Variants in SPTBN1 observed in about 807,000 individuals in gnomAD.
The protein encoded by SPTBN1 is spectrin beta, non-erythrocytic 1, also known as spectrin beta chain, non-erythrocytic 1.
Under a neutral mutation model 266.4 loss-of-function variants are expected in SPTBN1, and 32 were observed. The ratio of observed to expected loss-of-function variants is 0.12; its 90% CI spans 0.09 to 0.16. The LOEUF (loss-of-function observed/expected upper bound fraction) is 0.16. Ranked by LOEUF, SPTBN1 falls within the 10% of genes least tolerant of loss-of-function variation. SPTBN1 has a pLI of 1.00. For synonymous variants in SPTBN1, 1,336 were observed against 1,162.2 expected (o/e 1.15, Z -3.04); for missense variants, 2,296 against 3,067.1 (o/e 0.75, Z 5.94).
At chr2:54,560,897 A>G (rs1049978187) in intron 2 of SPTBN1, among the ~76,000 whole-genome samples, 4 of 152,296 alleles carry the variant, frequency 2.6e-5, no homozygotes, top group South Asian at 4.1e-4. Context: ...ATTTTAAACA[A>G]TCCTAGGAGA....
At chr2:54,545,364 A>G (rs1021176286) in intron 2 of SPTBN1, 2 of 152,214 alleles carry the variant, frequency 1.3e-5, no homozygotes, top group African/African-American at 4.8e-5. Flanking sequence ...TCAAGGATCT[A>G]GAACTAGAAA....
At chr2:54,552,376 G>C (rs934284938) in intron 2 of SPTBN1, among the ~76,000 whole-genome samples, 1 of 151,834 alleles carries the variant, frequency 6.6e-6, no homozygotes, top group African/African-American at 2.4e-5. Context: ...TGTGAGGTTG[G>C]TCCCATTATT....
At chr2:54,503,406 G>T (rs1669380319) in intron 1 of SPTBN1, among the ~76,000 whole-genome samples, 1 of 152,180 alleles carries the variant, frequency 6.6e-6, no homozygotes, top group African/African-American at 2.4e-5. Context: ...CCCCCTACCT[G>T]TCTGTTCTCC....
chr2:54,652,289 C>T (rs1163435784), intron 26 of SPTBN1, among the ~76,000 whole-genome samples: 1 of 152,084 alleles, frequency 6.6e-6, no homozygotes, highest in Admixed American at 6.5e-5. Context: ...AAGACATATA[C>T]CGTTCCCCAA....
chr2:54,549,281 C>T (rs1001971230), intron 2 of SPTBN1, among the ~76,000 whole-genome samples: 3 of 115,484 alleles, frequency 2.6e-5, no homozygotes, highest in African/African-American at 1.1e-4. Context: ...AAGAGTGAAA[C>T]TCTGTCTCAA....
rs1163884025 is a variant in SPTBN1, at chr2:54,646,121, C to T, written c.4585-73C>T. On this transcript the variant is annotated intron_variant, in intron 22 of 35. Transcript: ENST00000356805. The surrounding 1 kb of genome is among the most constrained non-coding windows in gnomAD (Gnocchi z 4.4). ...TGAAGCCTTGCTATTTCTTTCTGGC[C>T]CTAACAGCTTGACATAAGCAGCAGA... 1.2e-6 allele frequency: 2 copies of T among 1,600,244 alleles called. No individual in the cohort carries two copies. The highest frequency in any genetic ancestry group is 4.5e-5 in the East Asian group (2 of 44,714).
chr2:54,644,847 G>A (rs566312978), intron 20 of SPTBN1, among the ~76,000 whole-genome samples: 3 of 152,278 alleles, frequency 2.0e-5, no homozygotes, highest in South Asian at 4.1e-4. Flanking sequence ...TAGTTAATGG[G>A]TATTATCACC....
At chr2:54,457,484 G>A (rs1408704627) in intron 1 of SPTBN1, among the ~76,000 whole-genome samples, 4 of 152,234 alleles carry the variant, frequency 2.6e-5, no homozygotes, top group Non-Finnish European at 5.9e-5. Flanking sequence ...AGCCAGGCCA[G>A]ATAGTAAGTG....
chr2:54,538,022 A>G (rs1041364496), intron 2 of SPTBN1, among the ~76,000 whole-genome samples: 1 of 152,234 alleles, frequency 6.6e-6, no homozygotes, highest in African/African-American at 2.4e-5. Flanking sequence ...ACAGTAAGTA[A>G]CAATGAATGT....
chr2:54,632,467 TGAA>T (rs1436735068), intron 16 of SPTBN1, 96 bp from the exon 17 acceptor site: 4 of 1,216,560 alleles, frequency 3.3e-6, no homozygotes, highest in Admixed American at 4.0e-5. Context: ...GTAAGTGTAA[TGAA>T]GAAAGTGTTG....
At chr2:54,612,918 A>G (rs1242011427) in intron 4 of SPTBN1, among the ~76,000 whole-genome samples, 7 of 152,158 alleles carry the variant, frequency 4.6e-5, no homozygotes, top group African/African-American at 1.7e-4. Flanking sequence ...CTTGAGGAGG[A>G]AGGCTCTAAG....
At chr2:54,501,952 A>G (rs1373796220) in intron 1 of SPTBN1, among the ~76,000 whole-genome samples, 1 of 152,204 alleles carries the variant, frequency 6.6e-6, no homozygotes, top group East Asian at 1.9e-4. Flanking sequence ...TTGGGAGGTG[A>G]TCATTAGCAT....
chr2:54,566,185 C>CTTTTTTTTTTTTTTTTT (rs59369956), intron 2 of SPTBN1, among the ~76,000 whole-genome samples: 1 of 125,224 alleles, frequency 8.0e-6, no homozygotes, highest in African/African-American at 3.1e-5. Flanking sequence ...TTTCTTTTTT[C>CTTTTTTTTTTTTTTTTT]TTTTTTTTTT....
chr2:54,572,748 A>G, intron 2 of SPTBN1, among the ~76,000 whole-genome samples: 1 of 152,204 alleles, frequency 6.6e-6, no homozygotes, highest in East Asian at 1.9e-4. Flanking sequence ...AGCAATTTTT[A>G]AAAGTCATAC....
chr2:54,506,649 A>G (rs1338112999), intron 1 of SPTBN1, among the ~76,000 whole-genome samples: 1 of 152,166 alleles, frequency 6.6e-6, no homozygotes, highest in Admixed American at 6.5e-5. Flanking sequence ...TAGACACTAT[A>G]TTTAGGGATA....
intron 1 of SPTBN1, chr2:54,457,243 C>T (rs1184977934): frequency 6.6e-6 from 1 of 151,744 alleles, no homozygotes; most frequent in Admixed American, 6.6e-5. Context: ...GCCCGCCCTT[C>T]AGCTCCTGCC....
At chr2:54,567,494 C>A (rs1673744049) in intron 2 of SPTBN1, among the ~76,000 whole-genome samples, 1 of 134,338 alleles carries the variant, frequency 7.4e-6, no homozygotes, top group Admixed American at 6.9e-5. Flanking sequence ...GCATGCACCA[C>A]CCACCATGCC....
chr2:54,646,132 G>T lies in SPTBN1; in HGVS notation c.4585-62G>T, dbSNP rs1679911656. On this transcript the variant is annotated intron_variant, in intron 22 of 35. Transcript: ENST00000356805. The surrounding 1 kb of genome is among the most constrained non-coding windows in gnomAD (Gnocchi z 4.4). Reference sequence around the variant, plus strand: ...TATTTCTTTCTGGCCCTAACAGCTTGACATAAGCAGCAGACGGCTGCCATT... The same window carrying T: ...TATTTCTTTCTGGCCCTAACAGCTTTACATAAGCAGCAGACGGCTGCCATT... 1 of 1,596,342 alleles carries T rather than the reference G, an allele frequency of 6.3e-7. No individual in the cohort carries two copies. Among genetic ancestry groups the T allele is most frequent in the African/African-American group, 1.3e-5 (1 of 74,366 alleles).
intron 3 of SPTBN1, among the ~76,000 whole-genome samples, chr2:54,608,874 T>C (rs1677031356): frequency 1.3e-5 from 2 of 152,176 alleles, no homozygotes; most frequent in South Asian, 2.1e-4. Flanking sequence ...TTGCATGTTA[T>C]GTGTATTACA....
Sources: allele counts gnomAD v4.1 joint callset (sites outside exome capture counted in the v4.1 genomes callset), GRCh38; gene constraint gnomAD v4.1.1; non-coding constraint Gnocchi (gnomAD v3.1); transcripts MANE v1.5; gene names NCBI Gene and HGNC (gene_info 2026-07-23, HGNC 2026-07-21).